The following KCTD16 variants were observed in gnomAD, a reference collection of about 807,000 sequenced individuals.
KCTD16 encodes BTB/POZ domain-containing protein KCTD16.
A neutral mutation model predicts 33.2 loss-of-function variants in KCTD16; 13 were observed. That is an observed-to-expected ratio of 0.39 (90% confidence interval 0.25 to 0.62). The LOEUF (loss-of-function observed/expected upper bound fraction) is 0.62. KCTD16 is among the 20% of genes least tolerant of loss of function. The pLI, the probability that KCTD16 is intolerant of heterozygous loss-of-function variation, is 0.50. For missense variants in KCTD16, 441 were observed against 525.1 expected (o/e 0.84, Z 1.57); for synonymous variants, 197 against 195.3 (o/e 1.01, Z -0.07).
At position 144,286,289 on chromosome 5, in the gene KCTD16, G is replaced by T. The variant is rs1755744407; in HGVS notation, c.832+78743G>T. Among the ~76,000 whole-genome samples, 3 of 151,920 alleles carry T rather than the reference G, an allele frequency of 2.0e-5. No individual in the cohort carries two copies. The South Asian group carries it at 6.2e-4, about 32-fold the overall frequency. On this transcript the variant is annotated intron_variant, in intron 3 of 3. Coordinates refer to ENST00000512467, the MANE Select transcript of KCTD16 (RefSeq NM_020768.4). ...TTTTCTCCAACTTAGTGAGTTATAG[G>T]TGTGGGTGAACCTATAGATTCTCTG...
chr5:144,427,702 T>G (rs1753363191), intron 3 of KCTD16, among the ~76,000 whole-genome samples: 2 of 152,096 alleles, frequency 1.3e-5, no homozygotes. Context: ...ACAGCCTGGG[T>G]GCCTTCCAGG....
intron 2 of KCTD16, among the ~76,000 whole-genome samples, chr5:144,198,174 C>A (rs1018394372): frequency 2.1e-4 from 32 of 152,132 alleles, no homozygotes; most frequent in Non-Finnish European, 3.4e-4. Flanking sequence ...TATTCCTAAC[C>A]AACAGCTCCA....
intron 3 of KCTD16, among the ~76,000 whole-genome samples, chr5:144,472,410 A>G (rs964719180): frequency 1.3e-5 from 2 of 152,192 alleles, no homozygotes; most frequent in Non-Finnish European, 2.9e-5. Context: ...TGGTTCACGG[A>G]GCCACTGTGC....
intron 3 of KCTD16, among the ~76,000 whole-genome samples, chr5:144,307,368 C>T (rs763484779): frequency 5.3e-5 from 8 of 152,156 alleles, no homozygotes; most frequent in African/African-American, 1.2e-4. Context: ...CAGTTGGAGT[C>T]CTCCACTAAA....
intron 3 of KCTD16, among the ~76,000 whole-genome samples, chr5:144,213,806 A>C (rs1200483370): frequency 6.6e-6 from 1 of 152,178 alleles, no homozygotes; most frequent in Non-Finnish European, 1.5e-5. Flanking sequence ...GTTGATTCTG[A>C]TGACAAAGCA....
At chr5:144,270,049 G>A (rs1471747947) in intron 3 of KCTD16, among the ~76,000 whole-genome samples, 2 of 151,740 alleles carry the variant, frequency 1.3e-5, no homozygotes, top group Non-Finnish European at 2.9e-5. Context: ...AATTATAAAA[G>A]AAAACAGTAA....
rs779567509 is a variant in KCTD16 at position 144,206,861 on chromosome 5, C to G, written c.147C>G (p.Ser49=). ...CCACATTGATAAGCATCCCTCATTC[C>G]CTCCTGTGGAAAATGTTTTCCCCAA... ...RHSTLISIPH[S]LLWKMFSPKR... Residue 49 remains serine, a synonymous_variant, in exon 3 of 4, where the codon TCC becomes TCG. Coordinates refer to ENST00000512467, the MANE Select transcript of KCTD16 (RefSeq NM_020768.4). The G allele has an allele frequency of 1.9e-6, 3 of 1,614,162 alleles. No homozygotes were observed. Among genetic ancestry groups the G allele is most frequent in the Non-Finnish European group, 2.5e-6 (3 of 1,180,032 alleles).
intron 3 of KCTD16, among the ~76,000 whole-genome samples, chr5:144,403,250 C>T (rs1314228995): frequency 6.6e-6 from 1 of 152,146 alleles, no homozygotes; most frequent in African/African-American, 2.4e-5. Context: ...AAGTCCTAAC[C>T]TCTGGTACCT....
chr5:144,404,393 A>G (rs1752768135), intron 3 of KCTD16, among the ~76,000 whole-genome samples: 1 of 151,872 alleles, frequency 6.6e-6, no homozygotes, highest in Non-Finnish European at 1.5e-5. Flanking sequence ...TATATACTGA[A>G]TGCTTGACTA....
chr5:144,404,173 G>A (rs1459444117), intron 3 of KCTD16, among the ~76,000 whole-genome samples: 1 of 152,114 alleles, frequency 6.6e-6, no homozygotes, highest in East Asian at 1.9e-4. Flanking sequence ...AAGAGTAAGA[G>A]GATGGAAGAA....
At chr5:144,457,034 A>G (rs1754081720) in intron 3 of KCTD16, among the ~76,000 whole-genome samples, 1 of 152,266 alleles carries the variant, frequency 6.6e-6, no homozygotes, top group Admixed American at 6.5e-5. Flanking sequence ...AGCTGAGGAA[A>G]CAAACTATAT....
At chr5:144,190,260 A>G (rs1752815493) in intron 2 of KCTD16, among the ~76,000 whole-genome samples, 1 of 152,092 alleles carries the variant, frequency 6.6e-6, no homozygotes, top group Non-Finnish European at 1.5e-5. Flanking sequence ...CTGTACCTCA[A>G]CCCAGTGTCT....
Position 144,294,430 on chromosome 5 carries a change from T to TA in KCTD16, c.832+86886dup, listed in dbSNP as rs563261996. ...CTTTTGTAAGATGCATAGAGATGTT[T>TA]AATGGTGCTCATGTTCCCAGATACT... On this transcript the variant is annotated intron_variant, in intron 3 of 3. Transcript: ENST00000512467. Among the ~76,000 whole-genome samples the TA allele has an allele frequency of 4.6e-5, 7 of 152,332 alleles. No homozygotes were observed. In the East Asian group the frequency reaches 1.4e-3, roughly 29 times the overall value.
intron 3 of KCTD16, among the ~76,000 whole-genome samples, chr5:144,276,369 C>T (rs909344781): frequency 3.9e-5 from 6 of 152,060 alleles, no homozygotes; most frequent in Non-Finnish European, 8.8e-5. Context: ...TTCAGCCAGT[C>T]CCTGAAGGGT....
chr5:144,199,868 T>C (rs1753010130), intron 2 of KCTD16, among the ~76,000 whole-genome samples: 1 of 151,794 alleles, frequency 6.6e-6, no homozygotes, highest in African/African-American at 2.4e-5. Context: ...GTGCGTACCA[T>C]CACACCCGAC....
At chr5:144,324,418 A>G (rs1752151015) in intron 3 of KCTD16, among the ~76,000 whole-genome samples, 2 of 152,168 alleles carry the variant, frequency 1.3e-5, no homozygotes, top group African/African-American at 4.8e-5. Context: ...TTAAAAAGTC[A>G]AGAACCAACA....
chr5:144,276,575 GTGGTTTAC>G (rs1254916904), intron 3 of KCTD16, among the ~76,000 whole-genome samples: 1 of 152,122 alleles, frequency 6.6e-6, no homozygotes, highest in Non-Finnish European at 1.5e-5. Flanking sequence ...CCACTAACTT[GTGGTTTAC>G]TGAAAAGAAA....
At chr5:144,337,400 A>C (rs1349142648) in intron 3 of KCTD16, among the ~76,000 whole-genome samples, 1 of 152,170 alleles carries the variant, frequency 6.6e-6, no homozygotes, top group Non-Finnish European at 1.5e-5. Context: ...GTAGGCTATG[A>C]TTTTAATGCA....
chr5:144,193,626 C>T (rs1306868914), intron 2 of KCTD16, among the ~76,000 whole-genome samples: 2 of 151,886 alleles, frequency 1.3e-5, no homozygotes, highest in Admixed American at 6.6e-5. Context: ...GTGTGTCTGG[C>T]CTATAATGGA....
Sources: allele counts gnomAD v4.1 joint callset (sites outside exome capture counted in the v4.1 genomes callset), GRCh38; gene constraint gnomAD v4.1.1; transcripts MANE v1.5; gene names NCBI Gene and HGNC (gene_info 2026-07-23, HGNC 2026-07-21).